Variants in SLC25A12 observed in about 807,000 individuals in gnomAD.
The protein encoded by SLC25A12 is electrogenic aspartate/glutamate antiporter SLC25A12, mitochondrial.
SLC25A12 carries 32 observed loss-of-function variants against 83.3 expected under a neutral mutation model. The ratio of observed to expected loss-of-function variants is 0.38; its 90% CI spans 0.29 to 0.52. SLC25A12 has a LOEUF of 0.52. Ranked by LOEUF, SLC25A12 falls within the 20% of genes least tolerant of loss-of-function variation. The probability of loss-of-function intolerance (pLI) is 0.84; values close to 1 mark genes in which losing one functional copy is unlikely to be tolerated. For synonymous variants in SLC25A12, 267 were observed against 291.1 expected, an observed-to-expected ratio of 0.92 and a Z score of 0.84; for missense variants, 611 against 835.6, an observed-to-expected ratio of 0.73 and a Z score of 3.31.
At position 171,885,667 on chromosome 2, in the gene SLC25A12, G is replaced by A. The variant is rs1685802951; in HGVS notation, c.66+7538C>T. ...AGTCTGGGTAACACAGTAAAACTCT[G>A]TCTCAATAAATAAATAAATAAATAA... On this transcript the variant is annotated intron_variant, in intron 2 of 17. Transcript: ENST00000422440. Among the ~76,000 whole-genome samples the A allele has an allele frequency of 3.7e-5, 4 of 108,850 alleles. No homozygotes were observed. The South Asian group carries it at 1.5e-3, about 40-fold the overall frequency. The allele number at this position is 108,850 out of a possible 152,430, so 71.4% of individuals were successfully genotyped here.
intron 15 of SLC25A12, 81 bp downstream of exon 15, chr2:171,791,370 T>A (rs1167273428): frequency 2.2e-5 from 27 of 1,203,436 alleles, no homozygotes; most frequent in Non-Finnish European, 3.2e-5. Flanking sequence ...CTTCCAGAAA[T>A]AAAGGGGGAA....
At chr2:171,819,712 T>TA (rs1684144296) in intron 9 of SLC25A12, among the ~76,000 whole-genome samples, 1 of 151,484 alleles carries the variant, frequency 6.6e-6, no homozygotes, top group Non-Finnish European at 1.5e-5. Flanking sequence ...GTGAAAGAGG[T>TA]AAAATGTTCC....
At chr2:171,809,368 T>G (rs1683904571) in intron 13 of SLC25A12, 2 of 529,952 alleles carry the variant, frequency 3.8e-6, no homozygotes. Context: ...CAGCATCTGT[T>G]GTTTCCTGAC....
intron 13 of SLC25A12, among the ~76,000 whole-genome samples, chr2:171,801,907 CTGTGTGTGTGTGTGTGTGTGTGTGTGTG>C (rs3058854): frequency 2.8e-5 from 4 of 145,400 alleles, no homozygotes; most frequent in Non-Finnish European, 6.0e-5. Flanking sequence ...ATATCTGGAT[CTGTGTGTGTGTGTGTGTGTGTGTGTGTG>C]TGTGTGTGTG....
At chr2:171,891,654 C>T (rs1467317245) in intron 2 of SLC25A12, among the ~76,000 whole-genome samples, 2 of 152,208 alleles carry the variant, frequency 1.3e-5, no homozygotes, top group African/African-American at 4.8e-5. Context: ...TCTTCCGCAT[C>T]TACTTAGTCT....
intron 14 of SLC25A12, among the ~76,000 whole-genome samples, chr2:171,792,290 AT>A (rs5836350): frequency 6.3e-4 from 90 of 143,192 alleles, no homozygotes; most frequent in East Asian, 1.2e-3. Flanking sequence ...ATTCTTTTTA[AT>A]TTTTTTTTTT....
chr2:171,855,042 G>GT (rs955179581), intron 4 of SLC25A12, among the ~76,000 whole-genome samples: 24 of 152,220 alleles, frequency 1.6e-4, no homozygotes, highest in African/African-American at 5.8e-4. Context: ...TTTATCTTGT[G>GT]TTTTTTGCCA....
At chr2:171,819,606 G>A (rs1345634348) in intron 9 of SLC25A12, among the ~76,000 whole-genome samples, 2 of 150,304 alleles carry the variant, frequency 1.3e-5, no homozygotes, top group Admixed American at 6.7e-5. Context: ...ATTTAAATGA[G>A]TTAAATGACT....
chr2:171,866,594 C>T (rs1398575883), intron 3 of SLC25A12, among the ~76,000 whole-genome samples: 1 of 71,676 alleles, frequency 1.4e-5, no homozygotes. Flanking sequence ...GGGGCTGACC[C>T]CCCCACCTCC....
chr2:171,819,625 A>G (rs1038656066), intron 9 of SLC25A12, among the ~76,000 whole-genome samples: 1 of 151,090 alleles, frequency 6.6e-6, no homozygotes, highest in Non-Finnish European at 1.5e-5. Flanking sequence ...CTAATAAATA[A>G]TAGCTAATAA....
chr2:171,790,453 G>A (rs1036609401), intron 15 of SLC25A12, among the ~76,000 whole-genome samples: 1 of 152,108 alleles, frequency 6.6e-6, no homozygotes, highest in Non-Finnish European at 1.5e-5. Context: ...GTACCTATGA[G>A]GTCAGAAGGA....
At chr2:171,824,954 C>T (rs1684271239) in intron 9 of SLC25A12, among the ~76,000 whole-genome samples, 1 of 152,072 alleles carries the variant, frequency 6.6e-6, no homozygotes, top group South Asian at 2.1e-4. Flanking sequence ...CAGGCACACG[C>T]CATCACGCCT....
chr2:171,866,889 G>A (rs1280295865), intron 3 of SLC25A12, among the ~76,000 whole-genome samples: 2 of 150,044 alleles, frequency 1.3e-5, no homozygotes, highest in African/African-American at 2.5e-5. Context: ...GGCGGCTGCC[G>A]GGCGGAGGGG....
At chr2:171,810,196 A>G (rs1574688508) in intron 12 of SLC25A12, 28 bp downstream of exon 12, 1 of 1,593,014 alleles carries the variant, frequency 6.3e-7, no homozygotes, top group Non-Finnish European at 8.6e-7. Context: ...TAAACAAATG[A>G]CATAAATTCA....
chr2:171,834,880 C>T lies in SLC25A12; in HGVS notation c.613-15G>A, dbSNP rs755286928. 8 of 1,612,490 alleles carry T rather than the reference C, an allele frequency of 5.0e-6. No homozygotes were observed. Among genetic ancestry groups the T allele is most frequent in the Admixed American group, 1.7e-5 (1 of 59,764 alleles). On this transcript the variant is annotated splice_polypyrimidine_tract_variant and intron_variant, in intron 6 of 17. Transcript: ENST00000422440. ...CCTCCAGCTGCCTAGAAAATGACAA[C>T]ACAAAAAGTTTAAAAAACAAACAAA...
intron 14 of SLC25A12, among the ~76,000 whole-genome samples, chr2:171,792,987 T>A (rs993391156): frequency 6.6e-6 from 1 of 152,212 alleles, no homozygotes; most frequent in Non-Finnish European, 1.5e-5. Flanking sequence ...GAAAGAAATA[T>A]TCTTCCTTGT....
intron 4 of SLC25A12, among the ~76,000 whole-genome samples, chr2:171,848,859 T>C (rs182005688): frequency 6.6e-6 from 1 of 152,276 alleles, no homozygotes; most frequent in Non-Finnish European, 1.5e-5. Context: ...GTCAAATATA[T>C]GTAAAGGTCC....
rs529433905 is a variant in SLC25A12 at position 171,855,980 on chromosome 2, G to C, written c.210-31C>G. The C allele has an allele frequency of 7.6e-6, 9 of 1,178,216 alleles. No individual in the cohort carries two copies. In the Admixed American group the frequency reaches 1.5e-4, roughly 20 times the overall value. 73.0% of individuals were successfully genotyped at this position (1,178,216 alleles called of 1,614,324 possible). On this transcript the variant is annotated intron_variant, in intron 3 of 17. Coordinates refer to ENST00000422440, the MANE Select transcript of SLC25A12 (RefSeq NM_003705.5). Reference sequence around the variant, plus strand: ...ATAAAATATAAAACGTCATTGGCTGGTGAAGAAAGGGAAAGCATCAGGCAT... The same window carrying C: ...ATAAAATATAAAACGTCATTGGCTGCTGAAGAAAGGGAAAGCATCAGGCAT...
intron 9 of SLC25A12, among the ~76,000 whole-genome samples, chr2:171,818,920 T>A (rs1684113570): frequency 6.6e-6 from 1 of 151,442 alleles, no homozygotes; most frequent in Non-Finnish European, 1.5e-5. Flanking sequence ...AAAACAAAAA[T>A]GTATGACTGG....
Sources: gnomAD v4.1 joint callset for allele counts (sites outside exome capture counted in the v4.1 genomes callset) on GRCh38, gnomAD v4.1.1 for gene constraint, MANE v1.5 for transcripts, NCBI Gene and HGNC (gene_info 2026-07-23, HGNC 2026-07-21) for gene names.